Variants in PLXNA4 observed in about 807,000 individuals in gnomAD.
PLXNA4 encodes plexin-A4.
A neutral mutation model predicts 191.8 loss-of-function variants in PLXNA4; 44 were observed. That is an observed-to-expected ratio of 0.23 (90% confidence interval 0.18 to 0.29). PLXNA4 has a LOEUF of 0.29. PLXNA4 is among the 10% of genes least tolerant of loss of function. The probability of loss-of-function intolerance (pLI) is 1.00; values close to 1 mark genes in which losing one functional copy is unlikely to be tolerated. For missense variants in PLXNA4, 1,800 were observed against 2,488.8 expected (o/e 0.72, Z 5.89); for synonymous variants, 1,082 against 1,009.5 (o/e 1.07, Z -1.36).
intron 8 of PLXNA4, among the ~76,000 whole-genome samples, 175 bp downstream of exon 8, chr7:132,225,986 C>T (rs1798310048): frequency 6.7e-6 from 1 of 149,662 alleles, no homozygotes; most frequent in Non-Finnish European, 1.5e-5. Flanking sequence ...TGAGGGAGGC[C>T]TCCTCTGGGG....
chr7:132,227,067 G>A lies in PLXNA4; in HGVS notation c.1882+384C>T, dbSNP rs150484147. Among the ~76,000 whole-genome samples the A allele has an allele frequency of 3.3e-3, 495 of 152,250 alleles. 1 individual carries two copies. Among genetic ancestry groups the A allele is most frequent in the African/African-American group, 0.012 (486 of 41,574 alleles). On this transcript the variant is annotated intron_variant, in intron 7 of 31. Coordinates refer to ENST00000321063, the MANE Select transcript of PLXNA4 (RefSeq NM_020911.2). Reference sequence around the variant, plus strand: ...AGGCAGTGGTCCAGGGTCAGAGATCGGCCATGTGAGCATCCCTGCTCCAGC... The same window carrying A: ...AGGCAGTGGTCCAGGGTCAGAGATCAGCCATGTGAGCATCCCTGCTCCAGC...
intron 4 of PLXNA4, among the ~76,000 whole-genome samples, chr7:132,258,586 C>A (rs1799514590): frequency 1.3e-5 from 2 of 152,186 alleles, no homozygotes; most frequent in Admixed American, 1.3e-4. Context: ...TCTTTTCTCA[C>A]CACTCTCCTC....
upstream of PLXNA4, among the ~76,000 whole-genome samples, chr7:132,580,458 C>T (rs1012166323): frequency 6.6e-6 from 1 of 152,090 alleles, no homozygotes; most frequent in Non-Finnish European, 1.5e-5. Context: ...CTTGCCTGGT[C>T]GTGAAACTGG....
chr7:132,428,638 C>G lies in PLXNA4; in HGVS notation c.1371+60654G>C, dbSNP rs375635080. 1.4e-4 allele frequency among the ~76,000 whole-genome samples: 22 copies of G among 152,172 alleles called. No homozygotes were observed. In the East Asian group the frequency reaches 3.9e-3, roughly 27 times the overall value. ...CAGACACAGGAACCGTATGGGGCAG[C>G]CTGGCTCCCGGTGGTCCCCTCTGTC... On this transcript the variant is annotated intron_variant, in intron 3 of 31. Transcript: ENST00000321063.
intron 2 of PLXNA4, among the ~76,000 whole-genome samples, chr7:132,628,238 A>C (rs1463136992): frequency 6.6e-6 from 1 of 152,200 alleles, no homozygotes; most frequent in Non-Finnish European, 1.5e-5. Context: ...TTTCTGTCAG[A>C]ATTCTGAAGA....
intron 24 of PLXNA4, among the ~76,000 whole-genome samples, chr7:132,161,801 A>G (rs1195295618): frequency 2.0e-5 from 3 of 151,892 alleles, no homozygotes; most frequent in Non-Finnish European, 4.4e-5. Context: ...CTGACAGGCT[A>G]CCAGGTAGGC....
At chr7:132,306,813 T>A (rs1367663809) in intron 3 of PLXNA4, among the ~76,000 whole-genome samples, 1 of 152,056 alleles carries the variant, frequency 6.6e-6, no homozygotes, top group Non-Finnish European at 1.5e-5. Context: ...ACATCTCAGC[T>A]CAAACACAAT....
intron 3 of PLXNA4, among the ~76,000 whole-genome samples, chr7:132,324,096 T>A (rs928112825): frequency 6.6e-6 from 1 of 152,034 alleles, no homozygotes; most frequent in Non-Finnish European, 1.5e-5. Context: ...ATCTAAAAAC[T>A]TAGCAGAGAA....
chr7:132,295,115 G>A (rs1801028873), intron 4 of PLXNA4, among the ~76,000 whole-genome samples: 1 of 152,232 alleles, frequency 6.6e-6, no homozygotes, highest in African/African-American at 2.4e-5. Context: ...ATAAACTGAA[G>A]CAATAGGTTA....
At chr7:132,208,304 G>A (rs1797691396) in intron 10 of PLXNA4, among the ~76,000 whole-genome samples, 1 of 152,196 alleles carries the variant, frequency 6.6e-6, no homozygotes, top group African/African-American at 2.4e-5. Flanking sequence ...CACACCTTCT[G>A]TTGCCTCAGT....
intron 4 of PLXNA4, among the ~76,000 whole-genome samples, chr7:132,262,425 T>C (rs1040010657): frequency 1.3e-5 from 2 of 152,172 alleles, no homozygotes; most frequent in African/African-American, 4.8e-5. Flanking sequence ...TGATTTTCAG[T>C]GGACCCCTTG....
At chr7:132,607,206 C>T (rs1802943277) in intron 2 of PLXNA4, among the ~76,000 whole-genome samples, 1 of 152,102 alleles carries the variant, frequency 6.6e-6, no homozygotes, top group Non-Finnish European at 1.5e-5. Flanking sequence ...TTCCCAGAGG[C>T]TGACCTACAC....
At chr7:132,457,622 A>C (rs1417649259) in intron 3 of PLXNA4, among the ~76,000 whole-genome samples, 3 of 152,216 alleles carry the variant, frequency 2.0e-5, no homozygotes, top group African/African-American at 7.2e-5. Context: ...CTTCTAGAGC[A>C]AGAGACTTTG....
intron 2 of PLXNA4, among the ~76,000 whole-genome samples, chr7:132,635,013 A>G (rs907811475): frequency 2.0e-5 from 3 of 152,008 alleles, no homozygotes; most frequent in Non-Finnish European, 2.9e-5. Context: ...CTCCCAGCCT[A>G]CATCTTTCTC....
intron 3 of PLXNA4, among the ~76,000 whole-genome samples, chr7:132,459,334 T>G (rs1325768752): frequency 6.6e-6 from 1 of 152,204 alleles, no homozygotes; most frequent in African/African-American, 2.4e-5. Context: ...AGATCTTACA[T>G]TCGGGGAAAC....
At chr7:132,507,377 A>G in intron 2 of PLXNA4, 129 bp downstream of exon 2, 1 of 1,031,110 alleles carries the variant, frequency 9.7e-7, no homozygotes, top group Non-Finnish European at 1.4e-6. Context: ...TGAGACTCAG[A>G]GATGGGATGG....
At chr7:132,594,368 A>T (rs901043233) in intron 2 of PLXNA4, among the ~76,000 whole-genome samples, 4 of 152,194 alleles carry the variant, frequency 2.6e-5, no homozygotes, top group African/African-American at 7.2e-5. Context: ...CTTCAGTGGG[A>T]GCACGACCCT....
intron 2 of PLXNA4, among the ~76,000 whole-genome samples, chr7:132,607,389 G>A (rs1802947403): frequency 6.6e-6 from 1 of 152,136 alleles, no homozygotes; most frequent in African/African-American, 2.4e-5. Context: ...GAGCAGACAG[G>A]GCCTCTGGCA....
chr7:132,333,203 G>T (rs776006037), intron 3 of PLXNA4, among the ~76,000 whole-genome samples: 1 of 152,176 alleles, frequency 6.6e-6, no homozygotes, highest in Non-Finnish European at 1.5e-5. Context: ...GCCCTGCAGC[G>T]GCCATCCCTG....
Sources: allele counts gnomAD v4.1 joint callset (sites outside exome capture counted in the v4.1 genomes callset), GRCh38; gene constraint gnomAD v4.1.1; transcripts MANE v1.5; gene names NCBI Gene and HGNC (gene_info 2026-07-23, HGNC 2026-07-21).